HLA-DOA: variants seen among roughly 807,000 people sequenced by gnomAD.
HLA-DOA encodes the protein HLA class II histocompatibility antigen, DO alpha chain.
In HLA-DOA, 27 loss-of-function variants were observed where a neutral mutation model predicts 22.9. The observed-to-expected ratio is 1.18, with a 90% CI of 0.87 to 1.62. HLA-DOA has a LOEUF of 1.62. Ranked by LOEUF, HLA-DOA falls within the 40% of genes most tolerant of loss-of-function variation. The pLI, the probability that HLA-DOA is intolerant of heterozygous loss-of-function variation, is 0.00. For synonymous variants in HLA-DOA, 137 were observed against 138.6 expected, an observed-to-expected ratio of 0.99 and a Z score of 0.08; for missense variants, 324 against 332.4, an observed-to-expected ratio of 0.97 and a Z score of 0.20.
rs148523502 is a variant in HLA-DOA, at chr6:33,007,130, G to A, written c.699C>T (p.Leu233=). 2.2e-4 allele frequency: 363 copies of A among 1,613,900 alleles called. 4 individuals carry two copies. The South Asian group carries it at 3.4e-3, about 15-fold the overall frequency. The change falls in exon 4 of 5, where the codon CTC becomes CTT. Residue 233 remains leucine, a synonymous_variant. Coordinates refer to ENST00000229829, the MANE Select transcript of HLA-DOA (RefSeq NM_002119.4). ...LGLAIGLVGF[L]VGTVLIIMGT... The stretch of plus-strand genomic sequence containing the variant: ...CCATGATGATGAGGACGGTGCCCAC[G>A]AGGAAGCCCACCAGGCCGATGGCCA...
Position 33,009,050 on chromosome 6 carries a change from G to C in HLA-DOA, c.82+405C>G, listed in dbSNP as rs900037095. Among the ~76,000 whole-genome samples, 4 of 152,136 alleles carry C rather than the reference G, an allele frequency of 2.6e-5. No individual in the cohort carries two copies. Among genetic ancestry groups the C allele is most frequent in the African/African-American group, 9.7e-5 (4 of 41,430 alleles). On this transcript the variant is annotated intron_variant, in intron 1 of 4. Transcript: ENST00000229829. The surrounding 1 kb of genome is among the most constrained non-coding windows in gnomAD (Gnocchi z 4.8). ...ACCCGCACCCCAGCTCATGTCTCCC[G>C]AAGAACAAAGACAGGTAAATAGTTA...
chr6:33,007,823 G>T, intron 2 of HLA-DOA, 190 bp downstream of exon 2: 2 of 873,464 alleles, frequency 2.3e-6, no homozygotes, highest in Non-Finnish European at 3.4e-6. Flanking sequence ...CGGGTGAGAG[G>T]TGTCATTCCT....
chr6:33,008,929 G>T (rs1339428185), intron 1 of HLA-DOA, among the ~76,000 whole-genome samples: 1 of 152,122 alleles, frequency 6.6e-6, no homozygotes, highest in Non-Finnish European at 1.5e-5. Context: ...AGAACTCTAT[G>T]AAGTTGTTTG....
In HLA-DOA at chr6:33,006,740, C is replaced by T. The variant is rs141874596; in HGVS notation, c.*98G>A. Reference sequence around the variant, plus strand: ...TTGATCCCACTCAAAGTCAGCACAGCGGGATGCACTTAAAGGGCACTGAGC... The same window carrying T: ...TTGATCCCACTCAAAGTCAGCACAGTGGGATGCACTTAAAGGGCACTGAGC... On this transcript the variant is annotated 3_prime_UTR_variant, in exon 5 of 5. Coordinates refer to ENST00000229829, the MANE Select transcript of HLA-DOA (RefSeq NM_002119.4). The T allele has an allele frequency of 1.0e-4, 164 of 1,601,750 alleles. No individual in the cohort carries two copies. The highest frequency in any genetic ancestry group is 7.3e-4 in the Admixed American group (44 of 59,998).
At chr6:33,008,408 G>A (rs41270510) in intron 1 of HLA-DOA, 147 bp from the exon 2 acceptor site, 58,113 of 1,458,958 alleles carry the variant, frequency 0.04, 1,461 homozygotes, top group African/African-American at 0.09. Context: ...GCTGGCCCTG[G>A]GAGAGAGAAA....
rs778085887 is a variant in HLA-DOA, at chr6:33,009,544, T to C, written c.-8A>G. 1.9e-5 allele frequency: 30 copies of C among 1,590,964 alleles called. No individual in the cohort carries two copies. In the East Asian group the frequency reaches 6.3e-4, roughly 34 times the overall value. On this transcript the variant is annotated 5_prime_UTR_variant, in exon 1 of 5. Transcript: ENST00000229829. The surrounding 1 kb of genome is among the most constrained non-coding windows in gnomAD (Gnocchi z 4.8). Reference sequence around the variant, plus strand: ...CCCTGCTCTGAGGGCCATTACACTCTGGTGCTTTAATCAAATCAGTCTCAG... The same window carrying C: ...CCCTGCTCTGAGGGCCATTACACTCCGGTGCTTTAATCAAATCAGTCTCAG...
At chr6:33,008,495 A>C in intron 1 of HLA-DOA, 13 of 1,173,472 alleles carry the variant, frequency 1.1e-5, no homozygotes, top group Non-Finnish European at 1.3e-5. Context: ...CTGGCATATC[A>C]GGATGGGAAG....
In HLA-DOA at chr6:33,006,624, G is replaced by T. The variant is rs2581; in HGVS notation, c.*214C>A. The T allele has an allele frequency of 0.42, 280,169 of 673,018 alleles. 60,142 individuals carry two copies. Among genetic ancestry groups the T allele is most frequent in the East Asian group, 0.46 (17,071 of 36,950 alleles). The allele number at this position is 673,018 out of a possible 1,614,324, so 41.7% of individuals were successfully genotyped here. A position where few individuals can be genotyped will look rare whatever the true frequency, so the allele number is the denominator to read the frequency against. ...CTTTGGGTAGAGCAAGAATGTGTGT[G>T]TGTGTTGAATGGGAAGGGAAGCTAG... On this transcript the variant is annotated 3_prime_UTR_variant, in exon 5 of 5. Coordinates refer to ENST00000229829, the MANE Select transcript of HLA-DOA (RefSeq NM_002119.4).
At chr6:33,009,000 G>GA (rs1188365503) in intron 1 of HLA-DOA, among the ~76,000 whole-genome samples, 2 of 151,906 alleles carry the variant, frequency 1.3e-5, no homozygotes, top group Admixed American at 6.6e-5. Flanking sequence ...GGAAATAAAA[G>GA]AAAAAAAAGA....
In HLA-DOA at chr6:33,006,802, G is replaced by A; in HGVS notation, c.*36C>T. On this transcript the variant is annotated 3_prime_UTR_variant, in exon 5 of 5. Coordinates refer to ENST00000229829, the MANE Select transcript of HLA-DOA (RefSeq NM_002119.4). ...GTCACAAACCCATGAGGATCTGCAG[G>A]GTGTCTCCCACAAGTCATTTCTCTC... 6.2e-7 allele frequency: 1 copy of A among 1,612,860 alleles called. No homozygotes were observed. The highest frequency in any genetic ancestry group is 8.5e-7 in the Non-Finnish European group (1 of 1,179,916).
chr6:33,007,316 T>A lies in HLA-DOA; in HGVS notation c.608A>T (p.His203Leu). ...ATGGGGAGGGGGCTCCGTACCCCAA[T>A]GCCTGAGGAGTGGCGCATCCAGGCC... Reference protein sequence around the residue: ...HWGLDAPLLRHWELQVPIPPP... With the variant: ...HWGLDAPLLRLWELQVPIPPP... The change falls in exon 3 of 5, where the codon CAT becomes CTT. Residue 203 changes from histidine to leucine, a missense_variant. By Grantham distance (99) the His-to-Leu change is moderately conservative. Coordinates refer to ENST00000229829, the MANE Select transcript of HLA-DOA (RefSeq NM_002119.4). 2 of 1,612,930 alleles carry A rather than the reference T, an allele frequency of 1.2e-6. No homozygotes were observed. Among genetic ancestry groups the A allele is most frequent in the South Asian group, 1.1e-5 (1 of 91,074 alleles).
chr6:33,007,708 G>A, intron 2 of HLA-DOA, 116 bp from the exon 3 acceptor site: 5 of 1,190,004 alleles, frequency 4.2e-6, no homozygotes, highest in Non-Finnish European at 5.9e-6. Flanking sequence ...GATGCTCTGG[G>A]GTATCCACTG....
chr6:33,004,744 A>T lies in HLA-DOA; in HGVS notation c.*2094T>A, dbSNP rs1306683454. On this transcript the variant is annotated 3_prime_UTR_variant, in exon 5 of 5. Transcript: ENST00000229829. ...TTCTGTTCCTGGGAGGCCTGGCTAA[A>T]ATCTACCCTTGGGCCCTGCACTCCT... 6.6e-6 allele frequency: 1 copy of T among 152,168 alleles called. No individual in the cohort carries two copies. Among genetic ancestry groups the T allele is most frequent in the African/African-American group, 2.4e-5 (1 of 41,380 alleles). The allele number at this position is 152,168 out of a possible 1,614,324, so 9.4% of individuals were successfully genotyped here. A position where few individuals can be genotyped will look rare whatever the true frequency, so the allele number is the denominator to read the frequency against.
rs1248419238 is a variant in HLA-DOA, at chr6:33,004,764, A to G, written c.*2074T>C. 1 of 151,494 alleles carries G rather than the reference A, an allele frequency of 6.6e-6. No individual in the cohort carries two copies. Among genetic ancestry groups the G allele is most frequent in the Non-Finnish European group, 1.5e-5 (1 of 67,924 alleles). The allele number at this position is 151,494 out of a possible 1,614,324, so 9.4% of individuals were successfully genotyped here. On this transcript the variant is annotated 3_prime_UTR_variant, in exon 5 of 5. Transcript: ENST00000229829. ...GCTAAAATCTACCCTTGGGCCCTGC[A>G]CTCCTCCCCATGGCTATATTGCAAA...
chr6:33,007,856 G>T, intron 2 of HLA-DOA, 157 bp downstream of exon 2: 3 of 1,072,346 alleles, frequency 2.8e-6, no homozygotes, highest in South Asian at 1.6e-5. Context: ...TGCCAAAGGG[G>T]TCTGGGAAGA....
Position 33,007,298 on chromosome 6 carries a change from G to C in HLA-DOA, c.613+13C>G. Reference sequence around the variant, plus strand: ...CTGGGGCCAGGAGGGTGCATGGGGAGGGGGCTCCGTACCCCAATGCCTGAG... The same window carrying C: ...CTGGGGCCAGGAGGGTGCATGGGGACGGGGCTCCGTACCCCAATGCCTGAG... On this transcript the variant is annotated intron_variant, in intron 3 of 4. Transcript: ENST00000229829. 1 of 1,613,096 alleles carries C rather than the reference G, an allele frequency of 6.2e-7. No individual in the cohort carries two copies. Among genetic ancestry groups the C allele is most frequent in the Non-Finnish European group, 8.5e-7 (1 of 1,179,982 alleles).
In HLA-DOA at chr6:33,006,271, C is replaced by T. The variant is rs1780805572; in HGVS notation, c.*567G>A. 3 of 162,102 alleles carry T rather than the reference C, an allele frequency of 1.9e-5. No individual in the cohort carries two copies. Among genetic ancestry groups the T allele is most frequent in the African/African-American group, 4.8e-5 (2 of 41,758 alleles). The allele number at this position is 162,102 out of a possible 1,614,324, so 10.0% of individuals were successfully genotyped here. ...CAGTGGCCTCTTCATACAGAGTAAA[C>T]CCAGGCAGGAGTGGAGTCCCCATGA... On this transcript the variant is annotated 3_prime_UTR_variant, in exon 5 of 5. Coordinates refer to ENST00000229829, the MANE Select transcript of HLA-DOA (RefSeq NM_002119.4).
In HLA-DOA at chr6:33,007,845, G is replaced by A. The variant is rs574481009; in HGVS notation, c.331+168C>T. The A allele has an allele frequency of 2.9e-5, 28 of 979,966 alleles. No individual in the cohort carries two copies. In the African/African-American group the frequency reaches 4.2e-4, roughly 15 times the overall value. 60.7% of individuals were successfully genotyped at this position (979,966 alleles called of 1,614,324 possible). ...GAGGTGTCATTCCTCAAGGAGAGGG[G>A]TGCCAAAGGGGTCTGGGAAGACCTG... On this transcript the variant is annotated intron_variant, in intron 2 of 4. Coordinates refer to ENST00000229829, the MANE Select transcript of HLA-DOA (RefSeq NM_002119.4).
At position 33,007,217 on chromosome 6, in the gene HLA-DOA, T is replaced by C; in HGVS notation, c.614-2A>G. 1 of 1,613,684 alleles carries C rather than the reference T, an allele frequency of 6.2e-7. No homozygotes were observed. On this transcript the variant is annotated splice_acceptor_variant, in intron 3 of 4. Transcript: ENST00000229829. LOFTEE classifies it high-confidence loss of function. ...GTGGTGGAATAGGCACCTGGAGCTC[T>C]AGGAGAGAAAGGAAGGAGTTGGTGG...
Sources: allele counts gnomAD v4.1 joint callset (sites outside exome capture counted in the v4.1 genomes callset), GRCh38; gene constraint gnomAD v4.1.1; non-coding constraint Gnocchi (gnomAD v3.1); transcripts MANE v1.5; gene names NCBI Gene and HGNC (gene_info 2026-07-23, HGNC 2026-07-21).